Variants in RFC3 observed in about 807,000 individuals in gnomAD.
RFC3 encodes replication factor C subunit 3, also known as A1 38 kDa subunit.
A neutral mutation model predicts 45.1 loss-of-function variants in RFC3; 41 were observed. The observed-to-expected ratio is 0.91, with a 90% confidence interval of 0.71 to 1.18. RFC3 has a LOEUF of 1.18. RFC3 is among the 50% of genes most tolerant of loss of function. The probability of loss-of-function intolerance (pLI) is 0.00; values close to 1 mark genes in which losing one functional copy is unlikely to be tolerated. For synonymous variants in RFC3, 149 were observed against 144.0 expected (o/e 1.03, Z -0.25); for missense variants, 423 against 428.1 (o/e 0.99, Z 0.10).
chr13:33,852,834 A>T (rs1326271545), intron 8 of RFC3, among the ~76,000 whole-genome samples: 1 of 152,170 alleles, frequency 6.6e-6, no homozygotes, highest in Non-Finnish European at 1.5e-5. Flanking sequence ...GCAACCTATG[A>T]CTTATGCAAC....
At chr13:33,864,159 A>G (rs2082358899) in intron 8 of RFC3, among the ~76,000 whole-genome samples, 1 of 152,022 alleles carries the variant, frequency 6.6e-6, no homozygotes, top group South Asian at 2.1e-4. Context: ...CCTTTAAACA[A>G]ACAGGTCTCC....
chr13:33,889,741 CCA>C (rs1319094211), intron 8 of RFC3, among the ~76,000 whole-genome samples: 2 of 152,318 alleles, frequency 1.3e-5, no homozygotes, highest in Non-Finnish European at 2.9e-5. Context: ...CCTCTGGTAA[CCA>C]CTATTCTACT....
At position 33,905,355 on chromosome 13, in the gene RFC3, G is replaced by T. The variant is rs530301778; in HGVS notation, c.880-60732G>T. 1.3e-4 allele frequency among the ~76,000 whole-genome samples: 20 copies of T among 152,098 alleles called. No individual in the cohort carries two copies. The South Asian group carries it at 4.2e-3, about 32-fold the overall frequency. On this transcript the variant is annotated intron_variant, in intron 8 of 8. Coordinates refer to the RFC3 transcript ENST00000434425. ...TAGGCCTACAATCACAGATAGCCAG[G>T]TGACAATTGTGCTGTAGTTGTCTTT...
chr13:33,928,351 A>T (rs1463761588), intron 8 of RFC3, among the ~76,000 whole-genome samples: 1 of 152,154 alleles, frequency 6.6e-6, no homozygotes, highest in Non-Finnish European at 1.5e-5. Context: ...ATGGTTGTAA[A>T]GGTTGATACC....
At chr13:33,835,826 T>A (rs1015385923) in intron 8 of RFC3, among the ~76,000 whole-genome samples, 1 of 152,138 alleles carries the variant, frequency 6.6e-6, no homozygotes, top group East Asian at 1.9e-4. Context: ...TTATAAATAG[T>A]GCTGCAGAAA....
chr13:33,951,039 CTTTTT>C (rs926664684), intron 8 of RFC3, among the ~76,000 whole-genome samples: 5 of 60,816 alleles, frequency 8.2e-5, no homozygotes, highest in African/African-American at 3.2e-4. Context: ...TCTGATGGCT[CTTTTT>C]TTTTTTTTTT....
At chr13:33,933,592 T>A (rs1005261074) in intron 8 of RFC3, among the ~76,000 whole-genome samples, 16 of 152,120 alleles carry the variant, frequency 1.1e-4, no homozygotes, top group African/African-American at 3.6e-4. Context: ...TAAATCGAGA[T>A]GATAAAATTT....
intron 8 of RFC3, among the ~76,000 whole-genome samples, chr13:33,890,076 A>G (rs112401870): frequency 0.033 from 5,001 of 152,148 alleles, 166 homozygotes; most frequent in African/African-American, 0.078. Flanking sequence ...GATGATGGAG[A>G]TAATGACTCT....
At chr13:33,893,675 T>G (rs964201020) in intron 8 of RFC3, among the ~76,000 whole-genome samples, 8 of 151,990 alleles carry the variant, frequency 5.3e-5, no homozygotes, top group Admixed American at 5.2e-4. Context: ...TTATGAAGAC[T>G]GAAATAATAA....
chr13:33,949,944 T>C lies in RFC3; in HGVS notation c.880-16143T>C, dbSNP rs2082978435. 3.3e-5 allele frequency among the ~76,000 whole-genome samples: 5 copies of C among 152,308 alleles called. No homozygotes were observed. In the South Asian group the frequency reaches 1.0e-3, roughly 32 times the overall value. ...ATTGGCTTATCCTGGGTCTCAAGCC[T>C]GCTGGCCTTGGGATTGAAACTAAAC... On this transcript the variant is annotated intron_variant, in intron 8 of 8. Transcript: ENST00000434425.
At chr13:33,875,391 C>A (rs900409089) in intron 8 of RFC3, among the ~76,000 whole-genome samples, 3 of 152,126 alleles carry the variant, frequency 2.0e-5, no homozygotes, top group African/African-American at 7.2e-5. Flanking sequence ...CGAAGCATTA[C>A]CCAGGAGTAG....
At chr13:33,913,565 G>A (rs1244883632) in intron 8 of RFC3, among the ~76,000 whole-genome samples, 1 of 152,068 alleles carries the variant, frequency 6.6e-6, no homozygotes, top group Admixed American at 6.6e-5. Flanking sequence ...CTTTCTATAT[G>A]ACCTTAGGGA....
chr13:33,961,047 A>G (rs1343735447), intron 8 of RFC3, among the ~76,000 whole-genome samples: 4 of 152,250 alleles, frequency 2.6e-5, no homozygotes, highest in African/African-American at 4.8e-5. Context: ...ATGGTTTAGT[A>G]TAAGTATGTT....
In RFC3 at chr13:33,830,762, A is replaced by T; in HGVS notation, c.617A>T (p.Asn206Ile). The T allele has an allele frequency of 6.2e-7, 1 of 1,613,420 alleles. No individual in the cohort carries two copies. The highest frequency in any genetic ancestry group is 2.2e-5 in the East Asian group (1 of 44,872). The change falls in exon 6 of 9, where the codon AAT (asparagine) becomes ATT (isoleucine). Residue 206 changes from asparagine (N) to isoleucine (I), a missense_variant. Coordinates refer to ENST00000380071, the MANE Select transcript of RFC3 (RefSeq NM_002915.4). ...LSTVCKKEGLNLPSQLAHRLA... is the reference protein window; with the variant it reads ...LSTVCKKEGLILPSQLAHRLA... Reference sequence around the variant, plus strand: ...ACTGTGTGTAAGAAGGAAGGTCTGAATCTTCCTTCACAACTGGCTCATAGA... The same window carrying T: ...ACTGTGTGTAAGAAGGAAGGTCTGATTCTTCCTTCACAACTGGCTCATAGA...
chr13:33,898,838 C>A (rs2082618804), intron 8 of RFC3, among the ~76,000 whole-genome samples: 1 of 151,644 alleles, frequency 6.6e-6, no homozygotes, highest in Non-Finnish European at 1.5e-5. Context: ...CTCAGAAATA[C>A]ACAAAATCCT....
At chr13:33,860,147 C>T (rs953726844) in intron 8 of RFC3, among the ~76,000 whole-genome samples, 1 of 152,214 alleles carries the variant, frequency 6.6e-6, no homozygotes, top group East Asian at 1.9e-4. Context: ...GCCTCCAGAA[C>T]CATGAGAAAA....
chr13:33,833,105 C>T (rs1245411368), intron 7 of RFC3, among the ~76,000 whole-genome samples: 1 of 152,106 alleles, frequency 6.6e-6, no homozygotes, highest in South Asian at 2.1e-4. Context: ...TTCCAGAAAG[C>T]CTTGGGGCTG....
chr13:33,899,696 G>A (rs1253284638), intron 8 of RFC3, among the ~76,000 whole-genome samples: 3 of 151,570 alleles, frequency 2.0e-5, no homozygotes, highest in Admixed American at 2.0e-4. Flanking sequence ...TTAGACAAGA[G>A]AAAAAAATAA....
chr13:33,948,572 C>T lies in RFC3; in HGVS notation c.880-17515C>T, dbSNP rs2082968998. Among the ~76,000 whole-genome samples the T allele has an allele frequency of 2.0e-5, 3 of 152,326 alleles. No individual in the cohort carries two copies. The South Asian group carries it at 6.2e-4, about 32-fold the overall frequency. ...AATTATCAATCCACCAACAGCTTGC[C>T]CTGCATGCCTGGAAAAGCCTCAGAC... On this transcript the variant is annotated intron_variant, in intron 8 of 8. Transcript: ENST00000434425.
Sources: gnomAD v4.1 joint callset for allele counts (sites outside exome capture counted in the v4.1 genomes callset) on GRCh38, gnomAD v4.1.1 for gene constraint, MANE v1.5 for transcripts, NCBI Gene and HGNC (gene_info 2026-07-23, HGNC 2026-07-21) for gene names.